Variants in DSTN observed in about 807,000 individuals in gnomAD.
DSTN encodes the protein destrin.
Under a neutral mutation model 16.8 loss-of-function variants are expected in DSTN, and 10 were observed. That is an observed-to-expected ratio of 0.60 (90% CI 0.37 to 1.01). The LOEUF (loss-of-function observed/expected upper bound fraction) is 1.01. Ranked by LOEUF, DSTN falls within the 50% of genes least tolerant of loss-of-function variation. The probability of loss-of-function intolerance (pLI) is 0.01; values close to 1 mark genes in which losing one functional copy is unlikely to be tolerated. For missense variants in DSTN, 141 were observed against 196.7 expected (o/e 0.72, Z 1.69); for synonymous variants, 57 against 58.9 (o/e 0.97, Z 0.14).
In DSTN at chr20:17,603,710, G is replaced by A. The variant is rs3748500; in HGVS notation, c.312-845G>A. Among the ~76,000 whole-genome samples, 588 of 152,300 alleles carry A rather than the reference G, an allele frequency of 3.9e-3. 3 individuals carry two copies. The highest frequency in any genetic ancestry group is 7.1e-3 in the Admixed American group (108 of 15,304). ...CACGCTTCCCTTCAAGAGGGAGAAC[G>A]TGCTCCAATGTTATAAATATAAAAA... On this transcript the variant is annotated intron_variant, in intron 2 of 3. Coordinates refer to ENST00000246069, the MANE Select transcript of DSTN (RefSeq NM_006870.4).
chr20:17,574,868 T>TTC (rs2035257644), intron 1 of DSTN, among the ~76,000 whole-genome samples: 17 of 117,862 alleles, frequency 1.4e-4, no homozygotes, highest in African/African-American at 6.3e-4. Flanking sequence ...TTCTTTTCTT[T>TTC]TGTTTTTTTT....
chr20:17,595,238 G>A (rs374831833), intron 1 of DSTN, among the ~76,000 whole-genome samples: 47 of 152,052 alleles, frequency 3.1e-4, no homozygotes, highest in South Asian at 8.3e-4. Context: ...GGAACTCCCC[G>A]TCATAGCTGT....
At chr20:17,603,566 G>A (rs1377741627) in intron 2 of DSTN, among the ~76,000 whole-genome samples, 1 of 152,170 alleles carries the variant, frequency 6.6e-6, no homozygotes, top group Non-Finnish European at 1.5e-5. Flanking sequence ...TTGGCGTACA[G>A]AGGAAAGAAG....
At chr20:17,592,169 T>C (rs562882060) in intron 1 of DSTN, 11 of 911,562 alleles carry the variant, frequency 1.2e-5, no homozygotes, top group Non-Finnish European at 1.3e-5. Flanking sequence ...CTCATGCCTG[T>C]AATCCCAGCA....
In DSTN at chr20:17,604,551, C is replaced by T. The variant is rs755424092; in HGVS notation, c.312-4C>T. 2.5e-6 allele frequency: 4 copies of T among 1,608,202 alleles called. No homozygotes were observed. The highest frequency in any genetic ancestry group is 1.1e-5 in the South Asian group (1 of 89,376). On this transcript the variant is annotated splice_polypyrimidine_tract_variant and splice_region_variant and intron_variant, in intron 2 of 3. Coordinates refer to ENST00000246069, the MANE Select transcript of DSTN (RefSeq NM_006870.4). ...TTTTTCATTTTTGGCATCTTTCTAT[C>T]TAGGGCACCAGAACTAGCACCTCTG...
At chr20:17,606,091 A>G (rs1469694100) in intron 3 of DSTN, among the ~76,000 whole-genome samples, 1 of 151,978 alleles carries the variant, frequency 6.6e-6, no homozygotes, top group African/African-American at 2.4e-5. Flanking sequence ...CAGGGCAATA[A>G]GAGCAAAACT....
intron 1 of DSTN, among the ~76,000 whole-genome samples, chr20:17,594,304 A>T (rs2035501933): frequency 6.6e-6 from 1 of 152,026 alleles, no homozygotes; most frequent in South Asian, 2.1e-4. Flanking sequence ...AACACAGTAA[A>T]GATTTGTCTC....
chr20:17,573,532 C>T (rs2035231716), intron 1 of DSTN, among the ~76,000 whole-genome samples: 1 of 152,088 alleles, frequency 6.6e-6, no homozygotes, highest in Non-Finnish European at 1.5e-5. Flanking sequence ...TATTACTTCT[C>T]TAGCCCCAGT....
intron 2 of DSTN, among the ~76,000 whole-genome samples, chr20:17,601,811 C>T (rs2035589791): frequency 6.6e-6 from 1 of 152,202 alleles, no homozygotes. Context: ...TGAGATGAAG[C>T]TTTAGAAAAA....
At chr20:17,583,439 A>G (rs1363571365) in intron 1 of DSTN, among the ~76,000 whole-genome samples, 1 of 152,216 alleles carries the variant, frequency 6.6e-6, no homozygotes, top group African/African-American at 2.4e-5. Context: ...ATAATAACCC[A>G]GTGTTCATCA....
intron 1 of DSTN, among the ~76,000 whole-genome samples, chr20:17,581,470 G>A (rs1220274547): frequency 1.3e-5 from 2 of 151,728 alleles, no homozygotes; most frequent in Non-Finnish European, 2.9e-5. Context: ...GTGACAAAGC[G>A]AGACCCTGTC....
chr20:17,576,390 G>C (rs1339572564), intron 1 of DSTN: 1 of 160,162 alleles, frequency 6.2e-6, no homozygotes, highest in Admixed American at 6.5e-5. Flanking sequence ...ATAGCTTTGA[G>C]AGGGATGCAC....
At position 17,608,309 on chromosome 20, in the gene DSTN, T is replaced by C. The variant is rs1427379226; in HGVS notation, c.*1163T>C. The C allele has an allele frequency of 6.6e-6, 1 of 152,114 alleles. No individual in the cohort carries two copies. Among genetic ancestry groups the C allele is most frequent in the East Asian group, 1.9e-4 (1 of 5,196 alleles). 9.4% of individuals were successfully genotyped at this position (152,114 alleles called of 1,614,324 possible). A position where few individuals can be genotyped will look rare whatever the true frequency, so the allele number is the denominator to read the frequency against. On this transcript the variant is annotated 3_prime_UTR_variant, in exon 4 of 4. Coordinates refer to ENST00000246069, the MANE Select transcript of DSTN (RefSeq NM_006870.4). ...TTTGCCTTCCATATGGGGTAAGGCA[T>C]TGAGGTTTGGGTATTTCCAATAATT...
intron 1 of DSTN, among the ~76,000 whole-genome samples, chr20:17,583,177 G>A (rs1174680355): frequency 6.6e-6 from 1 of 152,216 alleles, no homozygotes; most frequent in Non-Finnish European, 1.5e-5. Flanking sequence ...CAGCTATAAT[G>A]AAAAGATTAT....
At chr20:17,578,949 G>A (rs1275951515) in intron 1 of DSTN, among the ~76,000 whole-genome samples, 6 of 90,228 alleles carry the variant, frequency 6.6e-5, no homozygotes, top group Non-Finnish European at 1.2e-4. Flanking sequence ...CAACAAGAGC[G>A]AAATTCCATC....
At chr20:17,604,692 A>G (rs956917566) in intron 3 of DSTN, 61 bp downstream of exon 3, 18 of 1,489,418 alleles carry the variant, frequency 1.2e-5, no homozygotes, top group African/African-American at 7.1e-5. Flanking sequence ...ATGGGGCAGC[A>G]CCTTTTCTGA....
intron 1 of DSTN, among the ~76,000 whole-genome samples, chr20:17,587,618 C>T (rs1440675115): frequency 6.6e-6 from 1 of 152,126 alleles, no homozygotes; most frequent in African/African-American, 2.4e-5. Flanking sequence ...GAAGTCTTTA[C>T]CCTTGGAGGC....
chr20:17,584,227 C>T (rs2035382162), intron 1 of DSTN, among the ~76,000 whole-genome samples: 1 of 151,938 alleles, frequency 6.6e-6, no homozygotes. Flanking sequence ...TGTACATCAC[C>T]CTCATGTTAA....
At chr20:17,604,966 A>G (rs1185628409) in intron 3 of DSTN, 2 of 454,418 alleles carry the variant, frequency 4.4e-6, no homozygotes, top group Admixed American at 5.0e-5. Context: ...TGGACATAAT[A>G]GTAAATTTGC....
Sources: gnomAD v4.1 joint callset for allele counts (sites outside exome capture counted in the v4.1 genomes callset) on GRCh38, gnomAD v4.1.1 for gene constraint, MANE v1.5 for transcripts, NCBI Gene and HGNC (gene_info 2026-07-23, HGNC 2026-07-21) for gene names.